FRG1: variants seen among roughly 807,000 people sequenced by gnomAD.
The protein encoded by FRG1 is protein FRG1.
In FRG1, 19 loss-of-function variants were observed where a neutral mutation model predicts 37.0. That is an observed-to-expected ratio of 0.51 (90% CI 0.36 to 0.75). FRG1 has a LOEUF of 0.75. Ranked by LOEUF, FRG1 falls within the 30% of genes least tolerant of loss-of-function variation. FRG1 has a pLI of 0.00. For synonymous variants in FRG1, 73 were observed against 96.5 expected, an observed-to-expected ratio of 0.76 and a Z score of 1.43; for missense variants, 243 against 301.4, an observed-to-expected ratio of 0.81 and a Z score of 1.44.
rs547104516 is a variant in FRG1 at position 189,942,567 on chromosome 4, A to G, written c.63-635A>G. Among the ~76,000 whole-genome samples, 4 of 152,290 alleles carry G rather than the reference A, an allele frequency of 2.6e-5. No individual in the cohort carries two copies. In the South Asian group the frequency reaches 8.3e-4, roughly 32 times the overall value. On this transcript the variant is annotated intron_variant, in intron 1 of 8. Coordinates refer to ENST00000226798, the MANE Select transcript of FRG1 (RefSeq NM_004477.3). ...CCTTTTTATGGCTGCATAGTATTCC[A>G]TTGTATGGATGTATCATTTTGTTCA...
chr4:189,941,275 T>C (rs1164565898), intron 1 of FRG1, among the ~76,000 whole-genome samples: 1 of 152,070 alleles, frequency 6.6e-6, no homozygotes, highest in Non-Finnish European at 1.5e-5. Flanking sequence ...CGGACGACCC[T>C]GGAAACAGGA....
intron 3 of FRG1, among the ~76,000 whole-genome samples, 161 bp from the exon 4 acceptor site, chr4:189,952,907 A>G (rs1276029685): frequency 6.6e-6 from 1 of 152,294 alleles, no homozygotes; most frequent in Non-Finnish European, 1.5e-5. Flanking sequence ...AAGGTAAAAT[A>G]GATCTTGATT....
At chr4:189,960,942 C>T in intron 7 of FRG1, 103 bp downstream of exon 7, 1 of 1,342,518 alleles carries the variant, frequency 7.4e-7, no homozygotes, top group Non-Finnish European at 1.0e-6. Flanking sequence ...GTGGTACATG[C>T]CTATAGGCCC....
At chr4:189,951,214 G>A (rs1251963698) in intron 2 of FRG1, among the ~76,000 whole-genome samples, 1 of 152,102 alleles carries the variant, frequency 6.6e-6, no homozygotes, top group African/African-American at 2.4e-5. Flanking sequence ...TACTGGCCAG[G>A]CGCGGTGGCT....
intron 8 of FRG1, among the ~76,000 whole-genome samples, chr4:189,962,545 A>C (rs1186344805): frequency 6.6e-6 from 1 of 151,698 alleles, no homozygotes; most frequent in Non-Finnish European, 1.5e-5. Flanking sequence ...GTATGTTGCA[A>C]AGTTACTCTT....
intron 6 of FRG1, among the ~76,000 whole-genome samples, chr4:189,958,806 G>C (rs1202672657): frequency 6.6e-6 from 1 of 152,158 alleles, no homozygotes; most frequent in African/African-American, 2.4e-5. Context: ...AGAAGCCACT[G>C]ATCTTTAATG....
intron 2 of FRG1, among the ~76,000 whole-genome samples, chr4:189,950,923 A>T (rs540403758): frequency 6.6e-6 from 1 of 151,840 alleles, no homozygotes; most frequent in South Asian, 2.1e-4. Context: ...TTTGTTCTTT[A>T]TTTTTATATA....
At chr4:189,956,166 G>T (rs1437323791) in intron 5 of FRG1, among the ~76,000 whole-genome samples, 1 of 151,986 alleles carries the variant, frequency 6.6e-6, no homozygotes, top group African/African-American at 2.4e-5. Flanking sequence ...TATGCACCTT[G>T]ATATTTCTTA....
At chr4:189,951,790 G>A (rs958594361) in intron 2 of FRG1, among the ~76,000 whole-genome samples, 12 of 151,980 alleles carry the variant, frequency 7.9e-5, no homozygotes, top group African/African-American at 1.9e-4. Context: ...CCAGCTCCCC[G>A]AGTAGCTGAG....
At chr4:189,945,831 G>T (rs918708887) in intron 2 of FRG1, among the ~76,000 whole-genome samples, 1 of 152,132 alleles carries the variant, frequency 6.6e-6, no homozygotes, top group South Asian at 2.1e-4. Context: ...GTAGAGATGG[G>T]TATGAGTTGT....
chr4:189,957,585 C>T (rs1737040401), intron 6 of FRG1, 83 bp downstream of exon 6: 2 of 1,215,554 alleles, frequency 1.6e-6, no homozygotes, highest in African/African-American at 1.5e-5. Flanking sequence ...TGGTCATTTA[C>T]TGTCACTTTA....
chr4:189,957,296 G>A, intron 5 of FRG1, 102 bp from the exon 6 acceptor site: 2 of 1,469,120 alleles, frequency 1.4e-6, no homozygotes, highest in East Asian at 5.0e-5. Flanking sequence ...GTTCTTTTCT[G>A]TGATTTTTAA....
chr4:189,953,314 G>GAA (rs112474327), intron 4 of FRG1, among the ~76,000 whole-genome samples, 189 bp downstream of exon 4: 4,460 of 151,468 alleles, frequency 0.029, 223 homozygotes, highest in African/African-American at 0.1. Context: ...TGCTAGGCTG[G>GAA]AAAAAAAATA....
At chr4:189,962,215 CA>C (rs1737267428) in intron 8 of FRG1, among the ~76,000 whole-genome samples, 1 of 152,014 alleles carries the variant, frequency 6.6e-6, no homozygotes, top group African/African-American at 2.4e-5. Flanking sequence ...CTATTAGAAC[CA>C]GAGTTAGAAG....
intron 4 of FRG1, among the ~76,000 whole-genome samples, chr4:189,953,348 T>C (rs1304437365): frequency 6.6e-6 from 1 of 152,036 alleles, no homozygotes; most frequent in African/African-American, 2.4e-5. Flanking sequence ...AGATTAATAA[T>C]TTCACATACC....
intron 6 of FRG1, among the ~76,000 whole-genome samples, chr4:189,958,254 A>G (rs1579642434): frequency 1.3e-5 from 2 of 152,170 alleles, no homozygotes; most frequent in Admixed American, 6.5e-5. Context: ...ACAGTGCTGC[A>G]GTACATAACA....
chr4:189,958,836 T>C (rs1174230071), intron 6 of FRG1, among the ~76,000 whole-genome samples: 27 of 152,258 alleles, frequency 1.8e-4, no homozygotes, highest in Admixed American at 1.7e-3. Context: ...TACCAGGATG[T>C]GTCTAAAGAA....
chr4:189,960,914 C>T (rs1579647151), intron 7 of FRG1, 75 bp downstream of exon 7: 2 of 1,534,166 alleles, frequency 1.3e-6, no homozygotes, highest in South Asian at 1.2e-5. Flanking sequence ...AAATAAATTA[C>T]CTACTTAGCT....
chr4:189,941,561 C>T (rs1166728695), intron 1 of FRG1, among the ~76,000 whole-genome samples: 3 of 152,158 alleles, frequency 2.0e-5, no homozygotes, highest in Non-Finnish European at 2.9e-5. Flanking sequence ...GCACTCTTGT[C>T]ATTTACTAGT....
Sources: allele counts gnomAD v4.1 joint callset (sites outside exome capture counted in the v4.1 genomes callset), GRCh38; gene constraint gnomAD v4.1.1; transcripts MANE v1.5; gene names NCBI Gene and HGNC (gene_info 2026-07-23, HGNC 2026-07-21).